NTRK2: variants seen among roughly 807,000 people sequenced by gnomAD.
NTRK2 encodes BDNF/NT-3 growth factors receptor.
In NTRK2, 13 loss-of-function variants were observed where a neutral mutation model predicts 94.5. The observed-to-expected ratio is 0.14, with a 90% CI of 0.09 to 0.22. NTRK2 has a LOEUF of 0.22. Ranked by LOEUF, NTRK2 falls within the 10% of genes least tolerant of loss-of-function variation. The pLI is 1.00. For missense variants in NTRK2, 639 were observed against 1,071.2 expected (o/e 0.60, Z 5.63); for synonymous variants, 372 against 407.4 (o/e 0.91, Z 1.05).
At chr9:84,681,291 G>T (rs2059373442) in intron 2 of NTRK2, among the ~76,000 whole-genome samples, 1 of 152,066 alleles carries the variant, frequency 6.6e-6, no homozygotes, top group African/African-American at 2.4e-5. Flanking sequence ...CTATTGTAAT[G>T]AATGGCACCA....
At chr9:85,019,316 G>T (rs573118661) in intron 17 of NTRK2, among the ~76,000 whole-genome samples, 1 of 152,242 alleles carries the variant, frequency 6.6e-6, no homozygotes, top group East Asian at 1.9e-4. Context: ...TGGTGCTGGG[G>T]GGTTACCAGG....
intron 12 of NTRK2, among the ~76,000 whole-genome samples, chr9:84,786,347 G>A (rs1256516107): frequency 6.6e-6 from 1 of 152,154 alleles, no homozygotes; most frequent in Non-Finnish European, 1.5e-5. Flanking sequence ...ACTGAGATAC[G>A]AAGAGGTGCA....
chr9:84,771,303 C>T (rs144844820), intron 12 of NTRK2, among the ~76,000 whole-genome samples: 21 of 152,276 alleles, frequency 1.4e-4, no homozygotes, highest in Admixed American at 2.6e-4. Flanking sequence ...TATAGTGTAC[C>T]ACAGTGCTGT....
intron 17 of NTRK2, among the ~76,000 whole-genome samples, chr9:85,004,184 A>G (rs1830708807): frequency 8.4e-6 from 1 of 118,852 alleles, no homozygotes; most frequent in Admixed American, 8.3e-5. Context: ...AAATCTGAGG[A>G]CATTTAGTCC....
intron 12 of NTRK2, among the ~76,000 whole-genome samples, chr9:84,830,558 T>C (rs2073481666): frequency 6.6e-6 from 1 of 152,022 alleles, no homozygotes; most frequent in Non-Finnish European, 1.5e-5. Context: ...TGTGTGTGTG[T>C]GTGTGATTTT....
intron 12 of NTRK2, among the ~76,000 whole-genome samples, chr9:84,848,750 A>C (rs984496324): frequency 6.6e-6 from 1 of 152,244 alleles, no homozygotes; most frequent in Non-Finnish European, 1.5e-5. Flanking sequence ...GAGCACGAAA[A>C]AAATCAAATT....
intron 12 of NTRK2, chr9:84,812,940 T>C (rs1482360914): frequency 9.7e-7 from 1 of 1,032,834 alleles, no homozygotes; most frequent in Non-Finnish European, 1.2e-6. Context: ...TTCATATAGT[T>C]CTCGTGTTCT....
intron 12 of NTRK2, 62 bp downstream of exon 12, chr9:84,752,147 T>A: frequency 8.2e-7 from 1 of 1,219,630 alleles, no homozygotes; most frequent in Non-Finnish European, 1.2e-6. Context: ...TGACTAATGC[T>A]AATTACCACT....
At chr9:84,993,438 G>C (rs1829343711) in intron 17 of NTRK2, among the ~76,000 whole-genome samples, 1 of 152,126 alleles carries the variant, frequency 6.6e-6, no homozygotes, top group African/African-American at 2.4e-5. Flanking sequence ...ACCATCATCT[G>C]CCAAGTTCTG....
At chr9:84,933,878 T>A (rs190764185) in intron 14 of NTRK2, among the ~76,000 whole-genome samples, 17 of 152,336 alleles carry the variant, frequency 1.1e-4, no homozygotes, top group Admixed American at 1.1e-3. Flanking sequence ...TTCTCCCCTT[T>A]TTTACTCTAT....
intron 12 of NTRK2, among the ~76,000 whole-genome samples, chr9:84,782,310 T>G (rs2067669221): frequency 6.6e-6 from 1 of 152,150 alleles, no homozygotes; most frequent in African/African-American, 2.4e-5. Context: ...CTCAGAAAAC[T>G]TTGGAAAACC....
intron 14 of NTRK2, among the ~76,000 whole-genome samples, chr9:84,908,542 G>A (rs191025501): frequency 6.6e-6 from 1 of 152,182 alleles, no homozygotes. Context: ...TCTCTCATTT[G>A]CAGCAAGCCA....
intron 17 of NTRK2, among the ~76,000 whole-genome samples, chr9:85,017,609 A>G (rs912308955): frequency 1.3e-5 from 2 of 152,230 alleles, no homozygotes; most frequent in African/African-American, 4.8e-5. Context: ...TTTCCTGCCA[A>G]ACTCCTCACA....
At chr9:84,799,679 C>T (rs1008360696) in intron 12 of NTRK2, among the ~76,000 whole-genome samples, 8 of 151,926 alleles carry the variant, frequency 5.3e-5, no homozygotes, top group Non-Finnish European at 1.0e-4. Context: ...GGCATTTTCA[C>T]TATAGTTCCT....
chr9:84,877,222 T>G (rs1250441175), intron 14 of NTRK2: 1 of 1,065,436 alleles, frequency 9.4e-7, no homozygotes, highest in Non-Finnish European at 1.1e-6. Flanking sequence ...ATCGGCATAG[T>G]TCTTGGCGTT....
intron 4 of NTRK2, among the ~76,000 whole-genome samples, chr9:84,706,191 C>T (rs1165801470): frequency 6.6e-6 from 1 of 151,982 alleles, no homozygotes; most frequent in Non-Finnish European, 1.5e-5. Flanking sequence ...ACTTTATACT[C>T]AGTGTGAAGA....
intron 14 of NTRK2, among the ~76,000 whole-genome samples, chr9:84,893,650 G>A (rs866496446): frequency 4.7e-4 from 72 of 152,110 alleles, no homozygotes; most frequent in African/African-American, 1.5e-3. Flanking sequence ...TCTGTGAATC[G>A]GACTCTGTAT....
At chr9:84,929,825 G>T (rs112166527) in intron 14 of NTRK2, among the ~76,000 whole-genome samples, 5,804 of 152,200 alleles carry the variant, frequency 0.038, 386 homozygotes, top group African/African-American at 0.13. Flanking sequence ...GCCTCCCAAA[G>T]TGCTGGGATT....
rs909620661 is a variant in NTRK2, at chr9:85,025,991, C to A, written c.*4554C>A. 2.6e-5 allele frequency: 6 copies of A among 232,422 alleles called. No individual in the cohort carries two copies. In the Admixed American group the frequency reaches 2.8e-4, roughly 11 times the overall value. 14.4% of individuals were successfully genotyped at this position (232,422 alleles called of 1,614,324 possible). A position where few individuals can be genotyped will look rare whatever the true frequency, so the allele number is the denominator to read the frequency against. On this transcript the variant is annotated 3_prime_UTR_variant, in exon 19 of 19. Transcript: ENST00000277120. ...TTGTCAGGGCTGGAATGAATCACTGCTGCTCAAGTCAAAGGTTCTTGAATA... is the reference window on the plus strand; with the variant it reads ...TTGTCAGGGCTGGAATGAATCACTGATGCTCAAGTCAAAGGTTCTTGAATA...
Sources: allele counts gnomAD v4.1 joint callset (sites outside exome capture counted in the v4.1 genomes callset), GRCh38; gene constraint gnomAD v4.1.1; transcripts MANE v1.5; gene names NCBI Gene and HGNC (gene_info 2026-07-23, HGNC 2026-07-21).